LCMT1: variants seen among roughly 807,000 people sequenced by gnomAD.
LCMT1 encodes the protein [Phosphatase 2A protein]-leucine-carboxy methyltransferase 1.
In LCMT1, 32 loss-of-function variants were observed where a neutral mutation model predicts 47.7. That is an observed-to-expected ratio of 0.67 (90% CI 0.51 to 0.90). The LOEUF (loss-of-function observed/expected upper bound fraction) is 0.90. Among genes scored for constraint, LCMT1 ranks in the 40% least tolerant of loss-of-function variants. The pLI, the probability that LCMT1 is intolerant of heterozygous loss-of-function variation, is 0.00. For synonymous variants in LCMT1, 152 were observed against 149.7 expected, an observed-to-expected ratio of 1.02 and a Z score of -0.11; for missense variants, 375 against 415.2, an observed-to-expected ratio of 0.90 and a Z score of 0.84.
intron 6 of LCMT1, among the ~76,000 whole-genome samples, chr16:25,162,295 A>G (rs1260804345): frequency 1.3e-5 from 2 of 152,148 alleles, no homozygotes; most frequent in African/African-American, 4.8e-5. Context: ...CTTCGGAAAA[A>G]TGTGAGTTAT....
chr16:25,116,700 G>A (rs1353873354), intron 1 of LCMT1, among the ~76,000 whole-genome samples: 2 of 141,928 alleles, frequency 1.4e-5, no homozygotes, highest in Non-Finnish European at 3.0e-5. Flanking sequence ...GGGCAACATG[G>A]AGAAACCTCC....
intron 1 of LCMT1, among the ~76,000 whole-genome samples, chr16:25,115,671 C>A (rs1283164980): frequency 6.6e-6 from 1 of 152,138 alleles, no homozygotes; most frequent in African/African-American, 2.4e-5. Context: ...TAACCTCCCC[C>A]AGAAACTTTG....
At chr16:25,131,052 C>G (rs1567311857) in intron 2 of LCMT1, among the ~76,000 whole-genome samples, 1 of 152,192 alleles carries the variant, frequency 6.6e-6, no homozygotes, top group Non-Finnish European at 1.5e-5. Flanking sequence ...TAATTTCCAT[C>G]AAGGAAGTCA....
chr16:25,166,234 C>T (rs912460146), intron 7 of LCMT1, among the ~76,000 whole-genome samples: 1 of 148,736 alleles, frequency 6.7e-6, no homozygotes, highest in Non-Finnish European at 1.5e-5. Context: ...TGCACCACTA[C>T]ACTCCAGCCT....
In LCMT1 at chr16:25,129,394, A is replaced by G. The variant is rs1446974915; in HGVS notation, c.205+828A>G. ...TTAATGAATTCAAAAAAAAGTATTA[A>G]TCTTCTTTAATCTGTCATGTGAAAA... On this transcript the variant is annotated intron_variant, in intron 2 of 10. Coordinates refer to ENST00000399069, the MANE Select transcript of LCMT1 (RefSeq NM_016309.3). Among the ~76,000 whole-genome samples, 3 of 152,218 alleles carry G rather than the reference A, an allele frequency of 2.0e-5. No individual in the cohort carries two copies. In the East Asian group the frequency reaches 5.8e-4, roughly 29 times the overall value.
At chr16:25,118,315 G>A (rs917343987) in intron 1 of LCMT1, among the ~76,000 whole-genome samples, 9 of 151,754 alleles carry the variant, frequency 5.9e-5, no homozygotes, top group African/African-American at 1.7e-4. Flanking sequence ...TTCCATCCTC[G>A]GGGCCCTGGA....
intron 1 of LCMT1, among the ~76,000 whole-genome samples, chr16:25,127,436 A>G (rs1960223156): frequency 2.0e-5 from 3 of 152,200 alleles, no homozygotes; most frequent in Admixed American, 1.3e-4. Flanking sequence ...GGAGCAGCTG[A>G]ACATGTGCTT....
chr16:25,151,388 A>G lies in LCMT1; in HGVS notation c.405-166A>G, dbSNP rs1234127466. The G allele has an allele frequency of 1.3e-5, 8 of 617,352 alleles. No individual in the cohort carries two copies. In the East Asian group the frequency reaches 1.9e-4, roughly 15 times the overall value. 38.2% of individuals were successfully genotyped at this position (617,352 alleles called of 1,614,324 possible). A position where few individuals can be genotyped will look rare whatever the true frequency, so the allele number is the denominator to read the frequency against. On this transcript the variant is annotated intron_variant, in intron 4 of 10. Coordinates refer to ENST00000399069, the MANE Select transcript of LCMT1 (RefSeq NM_016309.3). ...TTTACCGTATGTGCTTAGGGTCAAA[A>G]GTAATTAAACTGAAGCCCTTTTTAG... is the stretch of plus-strand genomic sequence containing the variant.
Position 25,146,626 on chromosome 16 carries a change from A to C in LCMT1, c.405-4928A>C, listed in dbSNP as rs1405910629. ...TCCTGTCCGTTATTGAAAACCTTAA[A>C]AGCCGCCTCTGCCAAAGTCAACAGC... On this transcript the variant is annotated intron_variant, in intron 4 of 10. Coordinates refer to ENST00000399069, the MANE Select transcript of LCMT1 (RefSeq NM_016309.3). 5 of 152,280 alleles carry C rather than the reference A, an allele frequency of 3.3e-5. No individual in the cohort carries two copies. In the East Asian group the frequency reaches 9.7e-4, roughly 29 times the overall value. The allele number at this position is 152,280 out of a possible 1,614,324, so 9.4% of individuals were successfully genotyped here.
At chr16:25,166,687 C>T (rs1011024389) in intron 7 of LCMT1, among the ~76,000 whole-genome samples, 5 of 152,138 alleles carry the variant, frequency 3.3e-5, no homozygotes, top group African/African-American at 1.2e-4. Context: ...AGGGGACTTG[C>T]CCAGTGTCAC....
chr16:25,162,500 A>T (rs1449081464), intron 6 of LCMT1, among the ~76,000 whole-genome samples: 2 of 151,796 alleles, frequency 1.3e-5, no homozygotes, highest in African/African-American at 2.4e-5. Flanking sequence ...GAGGCAGGAG[A>T]ATCACTTGAA....
chr16:25,174,400 G>T (rs1394442533), intron 9 of LCMT1, among the ~76,000 whole-genome samples: 1 of 151,942 alleles, frequency 6.6e-6, no homozygotes, highest in Non-Finnish European at 1.5e-5. Context: ...CCAAAAGTCT[G>T]TACATATACA....
chr16:25,159,715 A>G lies in LCMT1; in HGVS notation c.467-1387A>G, dbSNP rs113337141. The stretch of plus-strand genomic sequence containing the variant: ...TATGGTGTGTAGCCATATGTATTTG[A>G]ATCAGCCAAGTGGAGTTATCAAGAT... On this transcript the variant is annotated intron_variant, in intron 5 of 10. Transcript: ENST00000399069. Among the ~76,000 whole-genome samples the G allele has an allele frequency of 6.0e-3, 916 of 152,200 alleles. 4 individuals carry two copies. Among genetic ancestry groups the G allele is most frequent in the Middle Eastern group, 0.01 (3 of 294 alleles).
In LCMT1 at chr16:25,178,141, G is replaced by A; in HGVS notation, c.*118G>A. 1.1e-6 allele frequency: 1 copy of A among 875,056 alleles called. No homozygotes were observed. Among genetic ancestry groups the A allele is most frequent in the Non-Finnish European group, 1.9e-6 (1 of 535,108 alleles). 54.2% of individuals were successfully genotyped at this position (875,056 alleles called of 1,614,324 possible). On this transcript the variant is annotated 3_prime_UTR_variant, in exon 11 of 11. Transcript: ENST00000399069. ...CGCAGGTCTCATCCCACACTCTTGA[G>A]AAGCCTTGGTCACTACAGTGGTCGC...
intron 1 of LCMT1, among the ~76,000 whole-genome samples, chr16:25,121,055 C>G (rs994001603): frequency 2.6e-5 from 4 of 151,696 alleles, no homozygotes; most frequent in African/African-American, 9.7e-5. Context: ...GCCAACACAC[C>G]TGGCCTTGTT....
At chr16:25,162,403 G>A (rs143851897) in intron 6 of LCMT1, among the ~76,000 whole-genome samples, 1,971 of 151,794 alleles carry the variant, frequency 0.013, 36 homozygotes, top group African/African-American at 0.046. Context: ...AGCCTGGCCA[G>A]CATATTGAAG....
chr16:25,156,853 C>T (rs1388596566), intron 5 of LCMT1, among the ~76,000 whole-genome samples: 1 of 151,952 alleles, frequency 6.6e-6, no homozygotes, highest in Non-Finnish European at 1.5e-5. Flanking sequence ...GGACTTGGCT[C>T]AGTGCCCCAT....
intron 5 of LCMT1, among the ~76,000 whole-genome samples, chr16:25,156,438 A>G (rs1043220425): frequency 1.3e-5 from 2 of 152,154 alleles, no homozygotes; most frequent in Non-Finnish European, 2.9e-5. Context: ...TGTTTTTGTA[A>G]TCCGCTTCAA....
At chr16:25,150,333 GTTTTTTTT>G (rs35240331) in intron 4 of LCMT1, among the ~76,000 whole-genome samples, 5 of 93,554 alleles carry the variant, frequency 5.3e-5, no homozygotes, top group Admixed American at 1.3e-4. Flanking sequence ...TAGTTTTCTG[GTTTTTTTT>G]TTTTTTTTTT....
Sources: allele counts gnomAD v4.1 joint callset (sites outside exome capture counted in the v4.1 genomes callset), GRCh38; gene constraint gnomAD v4.1.1; transcripts MANE v1.5; gene names NCBI Gene and HGNC (gene_info 2026-07-23, HGNC 2026-07-21).